Variants in NDUFA10 observed in about 807,000 individuals in gnomAD.
NDUFA10 encodes the protein NADH:ubiquinone oxidoreductase subunit A10.
NDUFA10 carries 40 observed loss-of-function variants against 47.8 expected under a neutral mutation model. The observed-to-expected ratio is 0.84, with a 90% CI of 0.65 to 1.09. NDUFA10 has a LOEUF of 1.09. Ranked by LOEUF, NDUFA10 falls within the 50% of genes least tolerant of loss-of-function variation. The pLI, the probability that NDUFA10 is intolerant of heterozygous loss-of-function variation, is 0.00. For missense variants in NDUFA10, 413 were observed against 451.1 expected (o/e 0.92, Z 0.76); for synonymous variants, 183 against 172.2 (o/e 1.06, Z -0.49).
chr2:239,900,090 C>A (rs1470417191), intron 4 of NDUFA10, among the ~76,000 whole-genome samples: 2 of 152,062 alleles, frequency 1.3e-5, no homozygotes, highest in Non-Finnish European at 2.9e-5. Flanking sequence ...ATGCTTCCTG[C>A]CCCTGAACAT....
At chr2:239,973,583 CA>C (rs1157927962) in intron 9 of NDUFA10, 1 of 470,878 alleles carries the variant, frequency 2.1e-6, no homozygotes, top group African/African-American at 2.0e-5. Context: ...CGATCAGCTT[CA>C]AGGAGGGAAC....
chr2:239,973,522 A>T, intron 9 of NDUFA10: 1 of 470,096 alleles, frequency 2.1e-6, no homozygotes, highest in Non-Finnish European at 4.4e-6. Flanking sequence ...AAAACAGAAG[A>T]TTCTGTTGTC....
intron 4 of NDUFA10, among the ~76,000 whole-genome samples, chr2:239,924,022 A>G (rs773613746): frequency 9.2e-5 from 14 of 152,150 alleles, no homozygotes; most frequent in Non-Finnish European, 1.9e-4. Flanking sequence ...CTTGAAAACT[A>G]CAGCTCATCC....
rs1402704132 is a variant in NDUFA10, at chr2:240,016,286, G to A, written c.548-1426C>T. ...GCCAGGCAGAGCACACGGGACCTCG[G>A]GTCTGCTTCCTGACTGCTGGACCGG... On this transcript the variant is annotated intron_variant, in intron 4 of 9. Transcript: ENST00000252711. The surrounding 1 kb of genome is among the most constrained non-coding windows in gnomAD (Gnocchi z 4.4). Among the ~76,000 whole-genome samples the A allele has an allele frequency of 6.6e-6, 1 of 152,122 alleles. No individual in the cohort carries two copies. The highest frequency in any genetic ancestry group is 1.5e-5 in the Non-Finnish European group (1 of 68,032).
At chr2:240,024,084 G>C (rs573860225) in intron 1 of NDUFA10, among the ~76,000 whole-genome samples, 5 of 152,334 alleles carry the variant, frequency 3.3e-5, no homozygotes, top group East Asian at 1.9e-4. Context: ...CAGCTTCTTA[G>C]AAAACTAGTC....
chr2:239,924,855 C>A (rs1233702960), intron 4 of NDUFA10, among the ~76,000 whole-genome samples: 1 of 152,062 alleles, frequency 6.6e-6, no homozygotes, highest in Non-Finnish European at 1.5e-5. Flanking sequence ...GCGTGTTCAT[C>A]AAGGCTGCAG....
intron 9 of NDUFA10, chr2:239,973,508 C>G (rs189860717): frequency 4.2e-6 from 2 of 470,684 alleles, no homozygotes; most frequent in Non-Finnish European, 4.4e-6. Context: ...AAATAGCAGG[C>G]GAGAAAACAG....
intron 9 of NDUFA10, among the ~76,000 whole-genome samples, chr2:239,974,497 T>C (rs1355225729): frequency 1.3e-5 from 2 of 152,228 alleles, no homozygotes; most frequent in Non-Finnish European, 2.9e-5. Flanking sequence ...CAAATGAGAG[T>C]GTGGATGTCC....
chr2:239,893,637 C>G (rs1485560997), intron 5 of NDUFA10, among the ~76,000 whole-genome samples: 1 of 152,144 alleles, frequency 6.6e-6, no homozygotes, highest in Non-Finnish European at 1.5e-5. Flanking sequence ...CCTGCTCAAG[C>G]CCTTCCATAA....
intron 8 of NDUFA10, among the ~76,000 whole-genome samples, chr2:240,002,887 T>C (rs958752432): frequency 1.3e-5 from 2 of 152,174 alleles, no homozygotes; most frequent in African/African-American, 4.8e-5. Flanking sequence ...AGAGTCTCTG[T>C]CGCCCAAGCT....
At chr2:239,997,730 G>A (rs1045603223) in intron 8 of NDUFA10, among the ~76,000 whole-genome samples, 5 of 152,302 alleles carry the variant, frequency 3.3e-5, no homozygotes, top group South Asian at 2.1e-4. Flanking sequence ...ATGTAGTGTC[G>A]GAGAAGTCAA....
intron 4 of NDUFA10, among the ~76,000 whole-genome samples, chr2:239,932,001 A>G (rs1694182924): frequency 6.6e-6 from 1 of 151,616 alleles, no homozygotes; most frequent in South Asian, 2.1e-4. Flanking sequence ...ACGCCCAGCT[A>G]TTTTTTGTAT....
rs1268818636 is a variant in NDUFA10, at chr2:240,016,918, G to T, written c.547+1635C>A. 6.6e-6 allele frequency among the ~76,000 whole-genome samples: 1 copy of T among 152,068 alleles called. No individual in the cohort carries two copies. The highest frequency in any genetic ancestry group is 1.5e-5 in the Non-Finnish European group (1 of 68,008). On this transcript the variant is annotated intron_variant, in intron 4 of 9. Coordinates refer to ENST00000252711, the MANE Select transcript of NDUFA10 (RefSeq NM_004544.4). The surrounding 1 kb of genome is among the most constrained non-coding windows in gnomAD (Gnocchi z 4.4). ...AGCCACATCGGTCCACTGCCCCTGT[G>T]CATCCTTCCCCCTTAGCGGCCCACT...
At chr2:239,935,699 T>C (rs779305662) in intron 4 of NDUFA10, among the ~76,000 whole-genome samples, 2 of 152,210 alleles carry the variant, frequency 1.3e-5, no homozygotes, top group African/African-American at 2.4e-5. Context: ...GTTTCCCCTA[T>C]ACTGTTCTCA....
At position 239,945,808 on chromosome 2, in the gene NDUFA10, C is replaced by T. The variant is rs965871737; in HGVS notation, c.294+44266G>A. 5.3e-5 allele frequency among the ~76,000 whole-genome samples: 8 copies of T among 150,100 alleles called. No homozygotes were observed. Among genetic ancestry groups the T allele is most frequent in the African/African-American group, 2.0e-4 (8 of 40,668 alleles). ...AACGTGCAGAGTGGACCACTCCAGA[C>T]CCCCCTGAAGGCCGTCCCCAGGCTT... On this transcript the variant is annotated intron_variant, in intron 4 of 5. Coordinates refer to the NDUFA10 transcript ENST00000419408. The surrounding 1 kb of genome is among the most constrained non-coding windows in gnomAD (Gnocchi z 4.6).
intron 4 of NDUFA10, among the ~76,000 whole-genome samples, chr2:239,938,931 T>A (rs1440671290): frequency 6.6e-6 from 1 of 151,994 alleles, no homozygotes; most frequent in Non-Finnish European, 1.5e-5. Context: ...TGTTTAGCCG[T>A]TGAGTTGGAG....
intron 9 of NDUFA10, among the ~76,000 whole-genome samples, chr2:239,980,498 G>C (rs1172396763): frequency 6.6e-6 from 1 of 152,110 alleles, no homozygotes; most frequent in Non-Finnish European, 1.5e-5. Flanking sequence ...CTGTTCATTG[G>C]GTAAATACCT....
intron 9 of NDUFA10, among the ~76,000 whole-genome samples, chr2:239,964,006 G>A (rs1205142238): frequency 6.6e-6 from 1 of 152,220 alleles, no homozygotes; most frequent in Non-Finnish European, 1.5e-5. Flanking sequence ...CAGCAGCTGA[G>A]GAAGGGGACA....
At chr2:239,946,500 A>G (rs4077907) in intron 4 of NDUFA10, among the ~76,000 whole-genome samples, 81,016 of 152,164 alleles carry the variant, frequency 0.53, 21,843 homozygotes, top group East Asian at 0.67. Flanking sequence ...CCACGGAGTG[A>G]GTCTCAAGCC....
Sources: allele counts gnomAD v4.1 joint callset (sites outside exome capture counted in the v4.1 genomes callset), GRCh38; gene constraint gnomAD v4.1.1; non-coding constraint Gnocchi (gnomAD v3.1); transcripts MANE v1.5; gene names NCBI Gene and HGNC (gene_info 2026-07-23, HGNC 2026-07-21).